LUZP2: variants seen among roughly 807,000 people sequenced by gnomAD.
LUZP2 encodes leucine zipper protein 2.
A neutral mutation model predicts 51.6 loss-of-function variants in LUZP2; 52 were observed. The ratio of observed to expected loss-of-function variants is 1.01; its 90% CI spans 0.81 to 1.27. The LOEUF is 1.27. Ranked by LOEUF, LUZP2 falls within the 50% of genes most tolerant of loss-of-function variation. LUZP2 has a pLI of 0.00. For synonymous variants in LUZP2, 154 were observed against 137.3 expected (o/e 1.12, Z -0.85); for missense variants, 436 against 395.4 (o/e 1.10, Z -0.87).
At chr11:24,501,852 A>C (rs973756916) in intron 1 of LUZP2, among the ~76,000 whole-genome samples, 13 of 152,226 alleles carry the variant, frequency 8.5e-5, no homozygotes, top group Admixed American at 2.0e-4. Flanking sequence ...TTTTACACAA[A>C]TTTCTAAGTG....
intron 1 of LUZP2, among the ~76,000 whole-genome samples, chr11:24,571,011 AG>A (rs1433178360): frequency 6.6e-6 from 1 of 152,102 alleles, no homozygotes; most frequent in Non-Finnish European, 1.5e-5. Flanking sequence ...AAATATCCTA[AG>A]ACAGCAATAC....
intron 9 of LUZP2, among the ~76,000 whole-genome samples, chr11:25,046,747 T>G (rs184382204): frequency 6.6e-6 from 1 of 152,136 alleles, no homozygotes. Context: ...AATTGAAAAT[T>G]TAAAAAATCA....
intron 9 of LUZP2, among the ~76,000 whole-genome samples, chr11:25,017,216 G>A (rs981694552): frequency 8.6e-5 from 13 of 151,984 alleles, no homozygotes; most frequent in African/African-American, 3.1e-4. Context: ...CTCCCACTCT[G>A]AGTTTTATGT....
intron 9 of LUZP2, among the ~76,000 whole-genome samples, chr11:25,025,301 C>G (rs1156300028): frequency 3.9e-5 from 6 of 152,198 alleles, no homozygotes; most frequent in South Asian, 4.1e-4. Flanking sequence ...CAAATGGGAT[C>G]TAATTAAACT....
intron 10 of LUZP2, among the ~76,000 whole-genome samples, chr11:25,072,319 A>T (rs1279492751): frequency 1.3e-5 from 2 of 152,086 alleles, no homozygotes; most frequent in African/African-American, 2.4e-5. Flanking sequence ...CTGACATCAA[A>T]GTCCTTGACT....
At chr11:24,636,386 G>A (rs994248384) in intron 1 of LUZP2, among the ~76,000 whole-genome samples, 4 of 152,058 alleles carry the variant, frequency 2.6e-5, no homozygotes, top group Admixed American at 2.6e-4. Flanking sequence ...TATAATACAG[G>A]GGTTAAGAGG....
At chr11:24,957,684 T>G (rs113645562) in intron 7 of LUZP2, among the ~76,000 whole-genome samples, 3 of 152,196 alleles carry the variant, frequency 2.0e-5, no homozygotes, top group Admixed American at 2.0e-4. Context: ...TTATTTCTTT[T>G]CAAAGGCTGA....
chr11:24,663,024 A>G, intron 1 of LUZP2, among the ~76,000 whole-genome samples: 1 of 152,226 alleles, frequency 6.6e-6, no homozygotes, highest in Non-Finnish European at 1.5e-5. Flanking sequence ...AATATGAATA[A>G]TAAATTTTTA....
intron 1 of LUZP2, among the ~76,000 whole-genome samples, chr11:24,681,131 G>A (rs1166252946): frequency 6.6e-6 from 1 of 151,932 alleles, no homozygotes; most frequent in Non-Finnish European, 1.5e-5. Context: ...ACAGGCGCCC[G>A]CCACCGCGCC....
intron 2 of LUZP2, among the ~76,000 whole-genome samples, chr11:24,729,544 G>C (rs985937353): frequency 6.6e-5 from 10 of 151,844 alleles, no homozygotes; most frequent in Admixed American, 3.9e-4. Flanking sequence ...AGATCAGTTT[G>C]ACCCCTGTGT....
At chr11:24,967,857 T>C (rs1265844820) in intron 7 of LUZP2, among the ~76,000 whole-genome samples, 1 of 152,186 alleles carries the variant, frequency 6.6e-6, no homozygotes, top group Non-Finnish European at 1.5e-5. Context: ...AGATATTGGT[T>C]ATCATCATCT....
At chr11:25,023,299 A>G (rs547149693) in intron 9 of LUZP2, among the ~76,000 whole-genome samples, 2 of 151,758 alleles carry the variant, frequency 1.3e-5, no homozygotes, top group East Asian at 3.9e-4. Flanking sequence ...TTTGGCAATA[A>G]TTAATAGCCT....
At chr11:24,914,037 C>T (rs973510556) in intron 6 of LUZP2, among the ~76,000 whole-genome samples, 17 of 152,006 alleles carry the variant, frequency 1.1e-4, no homozygotes, top group Admixed American at 9.2e-4. Flanking sequence ...TTCTTGCTTC[C>T]GATCACATTT....
intron 9 of LUZP2, among the ~76,000 whole-genome samples, chr11:25,033,762 T>C (rs2133995319): frequency 6.6e-6 from 1 of 152,240 alleles, no homozygotes; most frequent in Non-Finnish European, 1.5e-5. Context: ...ACTTTATTTC[T>C]TTTTTTATGG....
At chr11:24,529,782 G>T (rs1022730938) in intron 1 of LUZP2, among the ~76,000 whole-genome samples, 1 of 150,844 alleles carries the variant, frequency 6.6e-6, no homozygotes, top group African/African-American at 2.4e-5. Context: ...ATTAAATATA[G>T]ATATCCTGTC....
chr11:24,891,940 C>G, intron 5 of LUZP2: 5 of 985,492 alleles, frequency 5.1e-6, no homozygotes, highest in Non-Finnish European at 6.0e-6. Context: ...TGAAAAATGG[C>G]TTATTTGCTT....
At chr11:24,822,786 C>T (rs1284776299) in intron 5 of LUZP2, among the ~76,000 whole-genome samples, 1 of 152,050 alleles carries the variant, frequency 6.6e-6, no homozygotes, top group Non-Finnish European at 1.5e-5. Context: ...AAATAAATTC[C>T]TATATTTAGG....
intron 1 of LUZP2, among the ~76,000 whole-genome samples, chr11:24,623,725 T>C (rs1854583057): frequency 6.6e-6 from 1 of 152,086 alleles, no homozygotes; most frequent in South Asian, 2.1e-4. Flanking sequence ...CCGGTGCCTG[T>C]AGGCCCTGCT....
At position 24,520,843 on chromosome 11, in the gene LUZP2, C is replaced by G. The variant is rs111545616; in HGVS notation, c.62+23538C>G. On this transcript the variant is annotated intron_variant, in intron 1 of 11. Transcript: ENST00000336930. The stretch of plus-strand genomic sequence containing the variant: ...AGGACTCCCATTGCATGGGGAATAG[C>G]AAAGATCATCCTTAGGCCAACCACC... Among the ~76,000 whole-genome samples, 559 of 152,262 alleles carry G rather than the reference C, an allele frequency of 3.7e-3. 5 individuals carry two copies. Among genetic ancestry groups the G allele is most frequent in the African/African-American group, 0.013 (541 of 41,558 alleles).
Sources: allele counts gnomAD v4.1 joint callset (sites outside exome capture counted in the v4.1 genomes callset), GRCh38; gene constraint gnomAD v4.1.1; transcripts MANE v1.5; gene names NCBI Gene and HGNC (gene_info 2026-07-23, HGNC 2026-07-21).